The following FBXL17 variants were observed in gnomAD, a reference collection of about 807,000 sequenced individuals.
FBXL17 encodes F-box and leucine rich repeat protein 17, also known as F-box/LRR-repeat protein 17.
Under a neutral mutation model 66.2 loss-of-function variants are expected in FBXL17, and 22 were observed. The observed-to-expected ratio is 0.33, with a 90% confidence interval of 0.24 to 0.47. FBXL17 has a LOEUF of 0.47. Ranked by LOEUF, FBXL17 falls within the 20% of genes least tolerant of loss-of-function variation. The pLI is 1.00. For missense variants in FBXL17, 878 were observed against 948.2 expected (o/e 0.93, Z 0.97); for synonymous variants, 474 against 400.5 (o/e 1.18, Z -2.19).
intron 7 of FBXL17, among the ~76,000 whole-genome samples, chr5:107,909,552 G>T (rs1749880731): frequency 6.6e-6 from 1 of 152,136 alleles, no homozygotes; most frequent in African/African-American, 2.4e-5. Context: ...GAAACATTTT[G>T]CCCCTAAACT....
intron 6 of FBXL17, among the ~76,000 whole-genome samples, chr5:108,185,636 A>G (rs1753198286): frequency 6.6e-6 from 1 of 152,140 alleles, no homozygotes; most frequent in South Asian, 2.1e-4. Flanking sequence ...AGGCAGAAGT[A>G]TTGCTTGAGC....
intron 4 of FBXL17, among the ~76,000 whole-genome samples, chr5:108,256,582 T>C (rs1011916863): frequency 2.0e-5 from 3 of 152,104 alleles, no homozygotes; most frequent in African/African-American, 7.2e-5. Flanking sequence ...TTGCTACTTC[T>C]TGATTTCAAG....
intron 7 of FBXL17, among the ~76,000 whole-genome samples, chr5:107,897,578 T>A (rs770942369): frequency 5.3e-5 from 8 of 152,124 alleles, no homozygotes; most frequent in Non-Finnish European, 1.2e-4. Flanking sequence ...CAGAACTCCA[T>A]GAGTTTAACA....
chr5:108,139,298 A>G (rs1358452835), intron 6 of FBXL17, among the ~76,000 whole-genome samples: 3 of 152,244 alleles, frequency 2.0e-5, no homozygotes, highest in Non-Finnish European at 4.4e-5. Flanking sequence ...GAGATACAGC[A>G]TTCGCTAATT....
chr5:107,939,464 G>A (rs1751021782), intron 7 of FBXL17, among the ~76,000 whole-genome samples: 2 of 151,968 alleles, frequency 1.3e-5, no homozygotes, highest in Non-Finnish European at 1.5e-5. Context: ...CGGGCCACGG[G>A]TCAGGGAGGA....
At chr5:108,334,345 CT>C (rs939635903) in intron 4 of FBXL17, among the ~76,000 whole-genome samples, 1 of 152,166 alleles carries the variant, frequency 6.6e-6, no homozygotes, top group African/African-American at 2.4e-5. Flanking sequence ...TTCCACAGCC[CT>C]TTACCTTGTT....
At chr5:108,022,139 G>A (rs1444802797) in intron 6 of FBXL17, among the ~76,000 whole-genome samples, 1 of 151,666 alleles carries the variant, frequency 6.6e-6, no homozygotes, top group African/African-American at 2.4e-5. Flanking sequence ...TTGTTTTAAT[G>A]GAATGATAAA....
At chr5:108,207,240 T>C (rs1176486914) in intron 5 of FBXL17, among the ~76,000 whole-genome samples, 1 of 152,182 alleles carries the variant, frequency 6.6e-6, no homozygotes, top group Admixed American at 6.5e-5. Flanking sequence ...ACTCTCTCCT[T>C]AATTTGCATG....
In FBXL17 at chr5:107,975,166, A is replaced by G. The variant is rs540839422; in HGVS notation, c.1822+45759T>C. ...CTCAGAGTCTAGTCATTGAGCTATG[A>G]ATTGCCTATAAATATGCTCGGATAT... On this transcript the variant is annotated intron_variant, in intron 7 of 8. Coordinates refer to ENST00000542267, the MANE Select transcript of FBXL17 (RefSeq NM_001163315.3). Among the ~76,000 whole-genome samples the G allele has an allele frequency of 2.0e-5, 3 of 152,274 alleles. No homozygotes were observed. The East Asian group carries it at 5.8e-4, about 29-fold the overall frequency.
intron 5 of FBXL17, among the ~76,000 whole-genome samples, chr5:108,216,423 T>C (rs1754601316): frequency 6.6e-6 from 1 of 152,188 alleles, no homozygotes; most frequent in Admixed American, 6.5e-5. Flanking sequence ...TGTTTTATTA[T>C]TTTTGATAAT....
chr5:108,160,513 A>C (rs1752170580), intron 6 of FBXL17, among the ~76,000 whole-genome samples: 1 of 152,200 alleles, frequency 6.6e-6, no homozygotes, highest in Admixed American at 6.5e-5. Flanking sequence ...CTGGGTTGGC[A>C]TTCTACTGGG....
chr5:108,362,979 AATG>A (rs1262265819), intron 3 of FBXL17, among the ~76,000 whole-genome samples: 1 of 152,072 alleles, frequency 6.6e-6, no homozygotes, highest in Non-Finnish European at 1.5e-5. Context: ...TTGCTAAATT[AATG>A]AGTTCAAGAA....
At position 108,225,003 on chromosome 5, in the gene FBXL17, T is replaced by G. The variant is rs1434177148; in HGVS notation, c.1507-775A>C. Among the ~76,000 whole-genome samples the G allele has an allele frequency of 2.0e-5, 3 of 152,120 alleles. No homozygotes were observed. The South Asian group carries it at 6.2e-4, about 32-fold the overall frequency. On this transcript the variant is annotated intron_variant, in intron 4 of 8. Transcript: ENST00000542267. The stretch of plus-strand genomic sequence containing the variant: ...TTTCAAAGAGTACAGTTCAGTATAT[T>G]CGCAAGTTTATGCACCATTACCGAT...
At chr5:108,364,323 A>C (rs897415616) in intron 3 of FBXL17, among the ~76,000 whole-genome samples, 6 of 152,028 alleles carry the variant, frequency 3.9e-5, no homozygotes, top group African/African-American at 1.4e-4. Flanking sequence ...TAACTTTTAT[A>C]ATCTTCAATT....
At chr5:108,250,201 A>G (rs1756285381) in intron 4 of FBXL17, among the ~76,000 whole-genome samples, 1 of 152,140 alleles carries the variant, frequency 6.6e-6, no homozygotes, top group South Asian at 2.1e-4. Context: ...ATTACACACT[A>G]AAAACGTAAT....
At chr5:108,225,342 C>T (rs900270515) in intron 4 of FBXL17, among the ~76,000 whole-genome samples, 3 of 152,122 alleles carry the variant, frequency 2.0e-5, no homozygotes, top group Admixed American at 2.0e-4. Context: ...ATTTTGAAAT[C>T]TTAACCCTCA....
At chr5:107,926,545 T>A (rs1750531347) in intron 7 of FBXL17, among the ~76,000 whole-genome samples, 1 of 151,926 alleles carries the variant, frequency 6.6e-6, no homozygotes, top group South Asian at 2.1e-4. Context: ...AATATTCTGA[T>A]GTTTAATTTG....
At chr5:108,271,065 G>C (rs1757247569) in intron 4 of FBXL17, among the ~76,000 whole-genome samples, 1 of 145,292 alleles carries the variant, frequency 6.9e-6, no homozygotes, top group Non-Finnish European at 1.5e-5. Context: ...GAAGACAAAT[G>C]ATTTAGTAAA....
chr5:107,996,405 C>T (rs186107775), intron 7 of FBXL17, among the ~76,000 whole-genome samples: 1 of 152,320 alleles, frequency 6.6e-6, no homozygotes, highest in African/African-American at 2.4e-5. Flanking sequence ...GCCTCTGCCT[C>T]CTGGGTTCAA....
Sources: gnomAD v4.1 joint callset for allele counts (sites outside exome capture counted in the v4.1 genomes callset) on GRCh38, gnomAD v4.1.1 for gene constraint, MANE v1.5 for transcripts, NCBI Gene and HGNC (gene_info 2026-07-23, HGNC 2026-07-21) for gene names.